TNS3: variants seen among roughly 807,000 people sequenced by gnomAD.
TNS3 encodes tensin 3, also known as tensin-3.
A neutral mutation model predicts 140.9 loss-of-function variants in TNS3; 45 were observed. That is an observed-to-expected ratio of 0.32 (90% CI 0.25 to 0.41). The LOEUF is 0.41. Ranked by LOEUF, TNS3 falls within the 10% of genes least tolerant of loss-of-function variation. TNS3 has a pLI of 1.00. For synonymous variants in TNS3, 815 were observed against 788.4 expected (o/e 1.03, Z -0.56); for missense variants, 1,716 against 1,906.7 (o/e 0.90, Z 1.86).
intron 17 of TNS3, among the ~76,000 whole-genome samples, chr7:47,346,923 C>T (rs1789377728): frequency 6.6e-6 from 1 of 152,234 alleles, no homozygotes; most frequent in African/African-American, 2.4e-5. Flanking sequence ...AGAAACACCA[C>T]AGGCGGTTAT....
At chr7:47,279,098 A>G (rs1347300398) in intron 30 of TNS3, 3 of 152,376 alleles carry the variant, frequency 2.0e-5, no homozygotes, top group African/African-American at 4.8e-5. Flanking sequence ...GGGGAAGCCC[A>G]GCTCGTCAGT....
chr7:47,356,623 T>C (rs1051515069), intron 17 of TNS3, among the ~76,000 whole-genome samples: 8 of 152,236 alleles, frequency 5.3e-5, no homozygotes, highest in African/African-American at 1.7e-4. Flanking sequence ...ACTAAGACAG[T>C]AGACCTTAGG....
intron 16 of TNS3, among the ~76,000 whole-genome samples, chr7:47,376,080 A>G (rs1009222734): frequency 6.6e-6 from 1 of 152,212 alleles, no homozygotes; most frequent in African/African-American, 2.4e-5. Context: ...CTTCTCCATG[A>G]AAGTTGGTTA....
intron 1 of TNS3, among the ~76,000 whole-genome samples, chr7:47,565,457 C>T (rs1800409317): frequency 6.6e-6 from 1 of 152,026 alleles, no homozygotes; most frequent in African/African-American, 2.4e-5. Flanking sequence ...ACCTCCACCT[C>T]CCAGGTTCAA....
At chr7:47,401,128 C>T (rs907627172) in intron 13 of TNS3, among the ~76,000 whole-genome samples, 3 of 152,276 alleles carry the variant, frequency 2.0e-5, no homozygotes, top group South Asian at 2.1e-4. Flanking sequence ...CTGCTGGGTG[C>T]GGGGCTCCAC....
At chr7:47,323,913 A>T (rs1787887267) in intron 20 of TNS3, among the ~76,000 whole-genome samples, 1 of 152,238 alleles carries the variant, frequency 6.6e-6, no homozygotes, top group Non-Finnish European at 1.5e-5. Flanking sequence ...GAAACAGAAG[A>T]GCAGAAGACA....
chr7:47,437,636 A>C (rs1795248638), intron 6 of TNS3, among the ~76,000 whole-genome samples: 1 of 151,250 alleles, frequency 6.6e-6, no homozygotes, highest in South Asian at 2.1e-4. Context: ...CAGAACCCTT[A>C]CACATAAAGT....
chr7:47,579,857 T>G, intron 1 of TNS3: 1 of 985,332 alleles, frequency 1.0e-6, no homozygotes, highest in African/African-American at 1.7e-5. Flanking sequence ...CCATACTGCC[T>G]CCTCCTCAGG....
At chr7:47,321,442 A>G (rs1787731030) in intron 20 of TNS3, among the ~76,000 whole-genome samples, 1 of 152,220 alleles carries the variant, frequency 6.6e-6, no homozygotes, top group African/African-American at 2.4e-5. Flanking sequence ...ACTCACGAAT[A>G]CAGAGGCCAC....
rs577574709 is a variant in TNS3 at position 47,313,744 on chromosome 7, G to A, written c.2651-8741C>T. On this transcript the variant is annotated intron_variant, in intron 20 of 30. Transcript: ENST00000311160. ...CCCTCAATGCACTCCCATGGCGCCT[G>A]GGAATTTCACCAAATGAGAAGAGGC... Among the ~76,000 whole-genome samples, 4 of 152,304 alleles carry A rather than the reference G, an allele frequency of 2.6e-5. No individual in the cohort carries two copies. In the East Asian group the frequency reaches 7.7e-4, roughly 29 times the overall value.
At chr7:47,519,867 A>G (rs1369690890) in intron 2 of TNS3, among the ~76,000 whole-genome samples, 3 of 111,244 alleles carry the variant, frequency 2.7e-5, no homozygotes, top group African/African-American at 1.0e-4. Context: ...TCTGTTGCCC[A>G]GGCTGGAGTG....
chr7:47,357,904 CA>C (rs1276532985), intron 17 of TNS3, among the ~76,000 whole-genome samples: 1 of 152,212 alleles, frequency 6.6e-6, no homozygotes, highest in Non-Finnish European at 1.5e-5. Flanking sequence ...AGCCCTCCAA[CA>C]TGAGAAATGC....
In TNS3 at chr7:47,293,832, T is replaced by C. The variant is rs1785852050; in HGVS notation, c.3677-4A>G. 3.7e-6 allele frequency: 6 copies of C among 1,613,920 alleles called. No homozygotes were observed. Among genetic ancestry groups the C allele is most frequent in the Non-Finnish European group, 5.1e-6 (6 of 1,179,936 alleles). ...AGTTCATTGGCCAAATCTCCAGCTG[T>C]GGCAAGAAATTTAAAGAAAGAAGAA... On this transcript the variant is annotated splice_polypyrimidine_tract_variant and splice_region_variant and intron_variant, in intron 24 of 30. Coordinates refer to ENST00000311160, the MANE Select transcript of TNS3 (RefSeq NM_022748.12).
At chr7:47,346,053 C>T (rs777180498) in intron 18 of TNS3, 134 bp downstream of exon 18, 96 of 1,194,646 alleles carry the variant, frequency 8.0e-5, no homozygotes, top group African/African-American at 2.0e-4. Flanking sequence ...GAAACCAGGA[C>T]GGAAGGTGGG....
At chr7:47,482,067 G>A (rs1797441138) in intron 3 of TNS3, among the ~76,000 whole-genome samples, 1 of 152,194 alleles carries the variant, frequency 6.6e-6, no homozygotes. Context: ...GGAGCCAGGC[G>A]CCAGCAAACA....
Position 47,334,605 on chromosome 7 carries a change from CT to C in TNS3, c.2650+10149del, listed in dbSNP as rs386410072. Among the ~76,000 whole-genome samples, 584 of 118,738 alleles carry C rather than the reference CT, an allele frequency of 4.9e-3. 3 individuals are homozygous for C. Among genetic ancestry groups the C allele is most frequent in the African/African-American group, 0.015 (467 of 31,034 alleles). 77.9% of individuals were successfully genotyped at this position (118,738 alleles called of 152,430 possible). The stretch of plus-strand genomic sequence containing the variant: ...GCTGAGATGTATCAGAACCACGACT[CT>C]TTTTTTTTTTTTTTTTTTTGACAGA... On this transcript the variant is annotated intron_variant, in intron 20 of 30. Coordinates refer to ENST00000311160, the MANE Select transcript of TNS3 (RefSeq NM_022748.12).
In TNS3 at chr7:47,526,066, G is replaced by A. The variant is rs114990925; in HGVS notation, c.-153+2970C>T. On this transcript the variant is annotated intron_variant, in intron 2 of 30. Coordinates refer to ENST00000311160, the MANE Select transcript of TNS3 (RefSeq NM_022748.12). The stretch of plus-strand genomic sequence containing the variant: ...CCCGCCGTCCAAGACGTGCTTGCGC[G>A]TTTCACAGCTGGAGGCCGTGCTTTC... Among the ~76,000 whole-genome samples, 579 of 152,324 alleles carry A rather than the reference G, an allele frequency of 3.8e-3. 4 individuals are homozygous for A. The highest frequency in any genetic ancestry group is 0.013 in the African/African-American group (549 of 41,560).
At chr7:47,508,090 C>T (rs73695367) in intron 2 of TNS3, among the ~76,000 whole-genome samples, 4 of 152,170 alleles carry the variant, frequency 2.6e-5, no homozygotes, top group African/African-American at 7.2e-5. Context: ...CCCAGCTCTG[C>T]GTGTCAACAC....
At chr7:47,328,231 GCC>G (rs886195092) in intron 20 of TNS3, among the ~76,000 whole-genome samples, 1 of 152,184 alleles carries the variant, frequency 6.6e-6, no homozygotes, top group African/African-American at 2.4e-5. Context: ...GAGAGCTCAG[GCC>G]CGGGAAAGAA....
Sources: gnomAD v4.1 joint callset for allele counts (sites outside exome capture counted in the v4.1 genomes callset) on GRCh38, gnomAD v4.1.1 for gene constraint, MANE v1.5 for transcripts, NCBI Gene and HGNC (gene_info 2026-07-23, HGNC 2026-07-21) for gene names.